KIF2C: variants seen among roughly 807,000 people sequenced by gnomAD.
KIF2C encodes kinesin-like protein KIF2C.
Under a neutral mutation model 97.4 loss-of-function variants are expected in KIF2C, and 34 were observed. The ratio of observed to expected loss-of-function variants is 0.35; its 90% CI spans 0.27 to 0.46. The LOEUF (loss-of-function observed/expected upper bound fraction) is 0.46. Among genes scored for constraint, KIF2C ranks in the 20% least tolerant of loss-of-function variants. The pLI is 1.00. For missense variants in KIF2C, 750 were observed against 907.6 expected (o/e 0.83, Z 2.23); for synonymous variants, 313 against 318.2 (o/e 0.98, Z 0.17).
At chr1:44,752,693 A>G (rs1013618039) in intron 5 of KIF2C, among the ~76,000 whole-genome samples, 6 of 152,162 alleles carry the variant, frequency 3.9e-5, no homozygotes, top group Non-Finnish European at 8.8e-5. Context: ...GTATTGAATC[A>G]ATCTGGTTAG....
intron 17 of KIF2C, 171 bp from the exon 18 acceptor site, chr1:44,762,175 C>T (rs1377260096): frequency 5.9e-6 from 5 of 846,072 alleles, no homozygotes; most frequent in Non-Finnish European, 6.1e-6. Context: ...GGAGAGTCAG[C>T]TGGGTGAGGG....
At chr1:44,745,657 AC>A (rs1483844403) in intron 2 of KIF2C, among the ~76,000 whole-genome samples, 1 of 149,936 alleles carries the variant, frequency 6.7e-6, no homozygotes, top group African/African-American at 2.5e-5. Flanking sequence ...TTTAGTAGAG[AC>A]GGGGTTTTTC....
intron 17 of KIF2C, 93 bp downstream of exon 17, chr1:44,762,076 C>T (rs1650172984): frequency 9.1e-7 from 1 of 1,104,506 alleles, no homozygotes. Context: ...GCCTCAGGGC[C>T]TACTGTATAC....
intron 19 of KIF2C, 26 bp from the exon 20 acceptor site, chr1:44,766,799 AC>A: frequency 6.2e-7 from 1 of 1,612,336 alleles, no homozygotes; most frequent in Non-Finnish European, 8.5e-7. Context: ...TGGTTATTGA[AC>A]TGACAAGGTC....
rs1309806703 is a variant in KIF2C, at chr1:44,756,169, T to C, written c.909T>C (p.Tyr303=). The change falls in exon 10 of 21, where the codon TAT becomes TAC. Residue 303 remains tyrosine (Y), a synonymous_variant. Transcript: ENST00000372224. ...AGTTGAAAGTGGACTTAACAAAGTATCTGGAGAACCAAGCATTCTGCTTTG... is the reference window on the plus strand; with the variant it reads ...AGTTGAAAGTGGACTTAACAAAGTACCTGGAGAACCAAGCATTCTGCTTTG... ...EPKLKVDLTK[Y]LENQAFCFDF... is the part of the protein sequence containing the mutation. 1 of 1,614,248 alleles carries C rather than the reference T, an allele frequency of 6.2e-7. No individual in the cohort carries two copies. Among genetic ancestry groups the C allele is most frequent in the South Asian group, 1.1e-5 (1 of 91,090 alleles).
chr1:44,758,932 G>A (rs1012194138), intron 13 of KIF2C: 7 of 440,632 alleles, frequency 1.6e-5, no homozygotes, highest in African/African-American at 9.9e-5. Flanking sequence ...AGCACTACCT[G>A]TCTCACCTTT....
In KIF2C at chr1:44,739,853, C is replaced by G; in HGVS notation, c.-80C>G. 7.7e-7 allele frequency: 1 copy of G among 1,293,938 alleles called. No individual in the cohort carries two copies. Among genetic ancestry groups the G allele is most frequent in the Middle Eastern group, 1.8e-4 (1 of 5,436 alleles). The allele number at this position is 1,293,938 out of a possible 1,614,324, so 80.2% of individuals were successfully genotyped here. ...GCGGGATTTAAACTGCGGCGGTTTA[C>G]GCGGCGTTAAGACTTCGTAGGGTTA... On this transcript the variant is annotated 5_prime_UTR_variant, in exon 1 of 21. Transcript: ENST00000372224.
Position 44,760,715 on chromosome 1 carries a change from A to G in KIF2C, c.1683+13A>G. 1 of 1,591,834 alleles carries G rather than the reference A, an allele frequency of 6.3e-7. No individual in the cohort carries two copies. Among genetic ancestry groups the G allele is most frequent in the Non-Finnish European group, 8.6e-7 (1 of 1,159,878 alleles). On this transcript the variant is annotated intron_variant, in intron 16 of 20. Coordinates refer to ENST00000372224, the MANE Select transcript of KIF2C (RefSeq NM_006845.4). The surrounding 1 kb of genome is among the most constrained non-coding windows in gnomAD (Gnocchi z 4.2). Reference sequence around the variant, plus strand: ...TAGGACTTGCATGGTGAGTAGGGTCACTTTGAAGGTGATGGTACAGGAGGA... The same window carrying G: ...TAGGACTTGCATGGTGAGTAGGGTCGCTTTGAAGGTGATGGTACAGGAGGA...
At chr1:44,757,075 A>T (rs557003008) in intron 10 of KIF2C, among the ~76,000 whole-genome samples, 8 of 151,244 alleles carry the variant, frequency 5.3e-5, no homozygotes, top group Non-Finnish European at 1.2e-4. Flanking sequence ...GTGCCACCAC[A>T]CCTGGCTAAT....
At chr1:44,763,832 G>A (rs954669542) in intron 19 of KIF2C, among the ~76,000 whole-genome samples, 1 of 152,066 alleles carries the variant, frequency 6.6e-6, no homozygotes, top group Non-Finnish European at 1.5e-5. Flanking sequence ...TCAGGAGTTC[G>A]AGACCAGCCT....
Position 44,754,804 on chromosome 1 carries a change from C to G in KIF2C, c.718C>G (p.Arg240Gly). 1 of 1,613,398 alleles carries G rather than the reference C, an allele frequency of 6.2e-7. No individual in the cohort carries two copies. The highest frequency in any genetic ancestry group is 8.5e-7 in the Non-Finnish European group (1 of 1,179,372). Residue 240 changes from arginine to glycine, a missense_variant, in exon 8 of 21, where the codon CGG becomes GGG. By Grantham distance (125) the Arg-to-Gly change is moderately radical. Transcript: ENST00000372224. The part of the protein sequence containing the change: ...WEFARMIKEF[R>G]ATLECHPLTM... The stretch of plus-strand genomic sequence containing the variant: ...ATTTGCCCGAATGATTAAAGAATTT[C>G]GGGCTACTTTGGAATGTCATCCACT...
At chr1:44,753,467 A>G (rs543546662) in intron 6 of KIF2C, among the ~76,000 whole-genome samples, 6 of 152,224 alleles carry the variant, frequency 3.9e-5, no homozygotes, top group Non-Finnish European at 5.9e-5. Flanking sequence ...GCCAAGATGC[A>G]TAGGAAGAGC....
chr1:44,753,929 C>A, intron 7 of KIF2C, 96 bp downstream of exon 7: 1 of 348,542 alleles, frequency 2.9e-6, no homozygotes, highest in Non-Finnish European at 5.3e-6. Flanking sequence ...CCCAGCATTT[C>A]TGAGGCTCCA....
Position 44,739,966 on chromosome 1 carries a change from T to C in KIF2C, c.34T>C (p.Phe12Leu), listed in dbSNP as rs574478086. The C allele has an allele frequency of 2.5e-5, 41 of 1,614,194 alleles. 1 individual carries two copies. The South Asian group carries it at 4.2e-4, about 16-fold the overall frequency. ...AMDSSLQARL[F>L]PGLAIKIQRS... Reference sequence around the variant, plus strand: ...GGACTCGTCGCTTCAGGCCCGCCTGTTTCCCGGTCTCGCTATCAAGATCCA... The same window carrying C: ...GGACTCGTCGCTTCAGGCCCGCCTGCTTCCCGGTCTCGCTATCAAGATCCA... Residue 12 changes from phenylalanine to leucine, a missense_variant, in exon 1 of 21, where the codon TTT becomes CTT. By Grantham distance (22) the Phe-to-Leu change is conservative. Transcript: ENST00000372224.
chr1:44,745,677 T>C (rs536435904), intron 2 of KIF2C, among the ~76,000 whole-genome samples: 1 of 150,874 alleles, frequency 6.6e-6, no homozygotes, highest in East Asian at 2.0e-4. Context: ...TCCATGTTGG[T>C]CAGGCTGGTC....
At chr1:44,758,969 T>A in intron 13 of KIF2C, 1 of 527,938 alleles carries the variant, frequency 1.9e-6, no homozygotes, top group Non-Finnish European at 3.4e-6. Context: ...GCTAGAGTGG[T>A]TATTAACTTG....
At position 44,766,946 on chromosome 1, in the gene KIF2C, C is replaced by T. The variant is rs769328188; in HGVS notation, c.2092C>T (p.Arg698Ter). ...GCAAGCCAAGCATTTCTCAGCCCTG[C>T]GAGGTGGGTGTGGCTGGATGGGGTG... ...AQQAKHFSAL[R>*]DVIKALRLAM... The change falls in exon 20 of 21, where the codon CGA becomes TGA. Residue 698 changes from arginine (R) to a stop codon, truncating the protein, a stop_gained. Transcript: ENST00000372224. LOFTEE classifies it high-confidence loss of function. The T allele has an allele frequency of 4.3e-6, 7 of 1,614,162 alleles. No individual in the cohort carries two copies. The Admixed American group carries it at 5.0e-5, about 12-fold the overall frequency.
intron 17 of KIF2C, 73 bp from the exon 18 acceptor site, chr1:44,762,273 C>A: frequency 7.3e-7 from 1 of 1,362,232 alleles, no homozygotes; most frequent in Non-Finnish European, 1.1e-6. Context: ...GCCTCGAAGC[C>A]TGGGCGGTGC....
At chr1:44,753,048 C>T (rs984667581) in intron 5 of KIF2C, 84 bp from the exon 6 acceptor site, 11 of 1,511,640 alleles carry the variant, frequency 7.3e-6, no homozygotes, top group South Asian at 2.5e-5. Flanking sequence ...GTCGCTCTCC[C>T]GGCCCATAAC....
Sources: gnomAD v4.1 joint callset for allele counts (sites outside exome capture counted in the v4.1 genomes callset) on GRCh38, gnomAD v4.1.1 for gene constraint, Gnocchi (gnomAD v3.1) non-coding constraint, MANE v1.5 for transcripts, NCBI Gene and HGNC (gene_info 2026-07-23, HGNC 2026-07-21) for gene names.